Variants in DYNLL1 observed in about 807,000 individuals in gnomAD.
DYNLL1 encodes the protein dynein light chain LC8-type 1, also known as dynein light chain 1, cytoplasmic.
DYNLL1 carries 3 observed loss-of-function variants against 10.1 expected under a neutral mutation model. The ratio of observed to expected loss-of-function variants is 0.30; its 90% CI spans 0.14 to 0.77. DYNLL1 has a LOEUF of 0.77. Ranked by LOEUF, DYNLL1 falls within the 30% of genes least tolerant of loss-of-function variation. DYNLL1 has a pLI of 0.66. For synonymous variants in DYNLL1, 46 were observed against 41.2 expected, an observed-to-expected ratio of 1.12 and a Z score of -0.45; for missense variants, 47 against 111.7, an observed-to-expected ratio of 0.42 and a Z score of 2.61.
At position 120,498,113 on chromosome 12, in the gene DYNLL1, T is replaced by C; in HGVS notation, c.173T>C (p.Val58Ala). The change falls in exon 3 of 3, where the codon GTG becomes GCG. Residue 58 changes from valine to alanine, a missense_variant. By Grantham distance (64) the Val-to-Ala change is moderately conservative. Coordinates refer to ENST00000242577, the MANE Select transcript of DYNLL1 (RefSeq NM_003746.3). ...KKYNPTWHCI[V>A]GRNFGSYVTH... Reference sequence around the variant, plus strand: ...TACAATCCCACCTGGCATTGCATCGTGGGGAGGAACTTCGGTAGTTATGTG... The same window carrying C: ...TACAATCCCACCTGGCATTGCATCGCGGGGAGGAACTTCGGTAGTTATGTG... The C allele has an allele frequency of 6.2e-7, 1 of 1,614,184 alleles. No homozygotes were observed. The highest frequency in any genetic ancestry group is 8.5e-7 in the Non-Finnish European group (1 of 1,180,022).
chr12:120,497,822 A>C (rs1746358213), intron 2 of DYNLL1: 1 of 479,976 alleles, frequency 2.1e-6, no homozygotes. Context: ...ATAACAAAAC[A>C]CCCTGTCTTT....
chr12:120,478,497 C>T (rs1404299058), intron 1 of DYNLL1, among the ~76,000 whole-genome samples: 1 of 151,174 alleles, frequency 6.6e-6, no homozygotes, highest in African/African-American at 2.4e-5. Flanking sequence ...CCTCCTGCCT[C>T]AGCCTCCCAA....
At chr12:120,473,602 G>A (rs1878693153) in intron 1 of DYNLL1, among the ~76,000 whole-genome samples, 1 of 150,956 alleles carries the variant, frequency 6.6e-6, no homozygotes, top group Admixed American at 6.6e-5. Context: ...GGCTGAGGCA[G>A]GAGAATTGCT....
At chr12:120,488,933 A>G (rs1018479305) in intron 1 of DYNLL1, among the ~76,000 whole-genome samples, 2 of 152,074 alleles carry the variant, frequency 1.3e-5, no homozygotes, top group African/African-American at 4.8e-5. Context: ...AAAAAGAGAA[A>G]AAAAGGACTA....
At chr12:120,484,059 C>T (rs553725487) in intron 1 of DYNLL1, among the ~76,000 whole-genome samples, 5 of 152,016 alleles carry the variant, frequency 3.3e-5, no homozygotes, top group Admixed American at 6.6e-5. Context: ...GGTGAGGAAT[C>T]GGGGACAGGG....
intron 1 of DYNLL1, among the ~76,000 whole-genome samples, chr12:120,472,039 T>A (rs1312317914): frequency 1.3e-5 from 2 of 152,226 alleles, no homozygotes; most frequent in Non-Finnish European, 2.9e-5. Context: ...GCTCAACACA[T>A]TAACTTTGAA....
chr12:120,485,154 C>G (rs1878964136), intron 1 of DYNLL1, among the ~76,000 whole-genome samples: 1 of 151,622 alleles, frequency 6.6e-6, no homozygotes, highest in Admixed American at 6.6e-5. Context: ...GAGTTTGAGG[C>G]TGCAGTGAGC....
rs150277561 is a variant in DYNLL1 at position 120,477,154 on chromosome 12, C to A, written c.-7+7050C>A. 5.7e-3 allele frequency among the ~76,000 whole-genome samples: 865 copies of A among 152,266 alleles called. 9 individuals are homozygous for A. The highest frequency in any genetic ancestry group is 0.02 in the African/African-American group (841 of 41,560). On this transcript the variant is annotated intron_variant, in intron 1 of 2. Transcript: ENST00000392509. ...ATGTTGGCCAGGCTGGTCTCGAACT[C>A]CTGACCTCAAGTGATCCACCTGTCT... is the stretch of plus-strand genomic sequence containing the variant.
upstream of DYNLL1, among the ~76,000 whole-genome samples, chr12:120,493,543 T>C (rs547418627): frequency 2.6e-3 from 393 of 151,872 alleles, 2 homozygotes; most frequent in African/African-American, 9.1e-3. Flanking sequence ...AGTATACTTA[T>C]TTAAAAAATA....
At chr12:120,492,534 T>C (rs1364604864), upstream of DYNLL1, among the ~76,000 whole-genome samples, 1 of 151,960 alleles carries the variant, frequency 6.6e-6, no homozygotes, top group Non-Finnish European at 1.5e-5. This position sits in a 1 kb window ranked among gnomAD's most constrained non-coding sequence, Gnocchi z 4.1. Flanking sequence ...ACTACTGCAC[T>C]CCAGCCTGGG....
At chr12:120,470,422 G>A (rs1179206450) in intron 1 of DYNLL1, among the ~76,000 whole-genome samples, 1 of 152,056 alleles carries the variant, frequency 6.6e-6, no homozygotes, top group Non-Finnish European at 1.5e-5. Context: ...CCCAGAACGC[G>A]GAGCATTGAA....
intron 1 of DYNLL1, among the ~76,000 whole-genome samples, chr12:120,473,223 C>G (rs1408065165): frequency 6.6e-6 from 1 of 151,928 alleles, no homozygotes; most frequent in Non-Finnish European, 1.5e-5. Context: ...TCTTGAAGAA[C>G]CAGTAGGAGT....
At chr12:120,480,793 G>A (rs1423795571) in intron 1 of DYNLL1, among the ~76,000 whole-genome samples, 6 of 145,780 alleles carry the variant, frequency 4.1e-5, no homozygotes, top group South Asian at 4.3e-4. Context: ...ACGGAGTCTC[G>A]CTCTGTTGCC....
chr12:120,496,617 C>T (rs1256496595), intron 2 of DYNLL1, 64 bp downstream of exon 2: 3 of 1,613,344 alleles, frequency 1.9e-6, no homozygotes, highest in Non-Finnish European at 2.5e-6. Context: ...CCCGATCCTG[C>T]TTTCCTAAGG....
chr12:120,470,507 C>G (rs1878622744), intron 1 of DYNLL1, among the ~76,000 whole-genome samples: 1 of 152,186 alleles, frequency 6.6e-6, no homozygotes, highest in South Asian at 2.1e-4. Flanking sequence ...TATTCTGTTG[C>G]TCAGGCTGGA....
intron 1 of DYNLL1, among the ~76,000 whole-genome samples, chr12:120,486,075 C>T (rs924418428): frequency 7.9e-5 from 12 of 152,088 alleles, no homozygotes; most frequent in African/African-American, 2.9e-4. Context: ...TTGATTAAAA[C>T]CCCTGTAAAT....
At chr12:120,486,884 C>T (rs747410350) in intron 1 of DYNLL1, among the ~76,000 whole-genome samples, 3 of 152,134 alleles carry the variant, frequency 2.0e-5, no homozygotes, top group Non-Finnish European at 4.4e-5. Context: ...CTTCAGTGGC[C>T]CTCTGATCAT....
At chr12:120,496,313 G>A in intron 1 of DYNLL1, 97 bp downstream of exon 1, 1 of 1,497,102 alleles carries the variant, frequency 6.7e-7, no homozygotes, top group Non-Finnish European at 9.0e-7. Flanking sequence ...TGAGAAGTGG[G>A]GTGGGGGGCG....
At chr12:120,479,449 CAAAAAAA>C (rs71076617) in intron 1 of DYNLL1, among the ~76,000 whole-genome samples, 20,064 of 75,860 alleles carry the variant, frequency 0.26, 2,142 homozygotes, top group East Asian at 0.54. Flanking sequence ...ACTCCGTCTC[CAAAAAAA>C]AAAAAAAAAA....
Sources: gnomAD v4.1 joint callset for allele counts (sites outside exome capture counted in the v4.1 genomes callset) on GRCh38, gnomAD v4.1.1 for gene constraint, Gnocchi (gnomAD v3.1) non-coding constraint, MANE v1.5 for transcripts, NCBI Gene and HGNC (gene_info 2026-07-23, HGNC 2026-07-21) for gene names.